CDH18: variants seen among roughly 807,000 people sequenced by gnomAD.
CDH18 encodes cadherin-18.
CDH18 carries 31 observed loss-of-function variants against 67.9 expected under a neutral mutation model. The ratio of observed to expected loss-of-function variants is 0.46; its 90% CI spans 0.34 to 0.62. The LOEUF (loss-of-function observed/expected upper bound fraction) is 0.62. Ranked by LOEUF, CDH18 falls within the 20% of genes least tolerant of loss-of-function variation. The pLI, the probability that CDH18 is intolerant of heterozygous loss-of-function variation, is 0.01. For missense variants in CDH18, 890 were observed against 975.5 expected, an observed-to-expected ratio of 0.91 and a Z score of 1.17; for synonymous variants, 362 against 347.2, an observed-to-expected ratio of 1.04 and a Z score of -0.48.
At chr5:20,468,408 A>G (rs1178034212) in intron 1 of CDH18, among the ~76,000 whole-genome samples, 1 of 152,170 alleles carries the variant, frequency 6.6e-6, no homozygotes, top group African/African-American at 2.4e-5. Context: ...TCTCTGCCTC[A>G]TCTTTTATCT....
In CDH18 at chr5:20,136,358, C is replaced by T. The variant is rs539719684; in HGVS notation, c.-518+119086G>A. 2.6e-5 allele frequency among the ~76,000 whole-genome samples: 4 copies of T among 151,978 alleles called. No homozygotes were observed. In the East Asian group the frequency reaches 7.8e-4, roughly 29 times the overall value. The stretch of plus-strand genomic sequence containing the variant: ...TTACCATTATGTAATGGCCTTGTCT[C>T]TTTTGATCTTTGTTGGTTTAAAGTC... On this transcript the variant is annotated intron_variant, in intron 2 of 14. Coordinates refer to the CDH18 transcript ENST00000507958.
At chr5:19,893,417 A>G in intron 2 of CDH18, among the ~76,000 whole-genome samples, 1 of 152,298 alleles carries the variant, frequency 6.6e-6, no homozygotes, top group East Asian at 1.9e-4. Flanking sequence ...TTATTTCTAG[A>G]CACAAGGAAT....
At chr5:20,527,619 G>T (rs1049422496) in intron 1 of CDH18, among the ~76,000 whole-genome samples, 3 of 152,030 alleles carry the variant, frequency 2.0e-5, no homozygotes, top group African/African-American at 4.8e-5. Flanking sequence ...CATTCTTAAA[G>T]AAAAGAATTT....
At chr5:20,476,686 A>G (rs762274592) in intron 1 of CDH18, among the ~76,000 whole-genome samples, 1 of 152,196 alleles carries the variant, frequency 6.6e-6, no homozygotes, top group Non-Finnish European at 1.5e-5. Flanking sequence ...ATGCATTAAA[A>G]TAATAATGTA....
intron 9 of CDH18, among the ~76,000 whole-genome samples, chr5:19,527,941 A>G (rs1747999140): frequency 6.6e-6 from 1 of 151,940 alleles, no homozygotes; most frequent in Admixed American, 6.5e-5. Context: ...AAGCTTTAAA[A>G]TTAAAGCTGT....
chr5:19,832,103 G>A lies in CDH18; in HGVS notation c.228+6656C>T, dbSNP rs78286190. On this transcript the variant is annotated intron_variant, in intron 3 of 12. Transcript: ENST00000382275. ...GAACATTAGACAGGGGACTACAAGC[G>A]GGGGTGAAGTAGAAAGGGGAGGAAG... is the stretch of plus-strand genomic sequence containing the variant. Among the ~76,000 whole-genome samples, 967 of 152,058 alleles carry A rather than the reference G, an allele frequency of 6.4e-3. 11 individuals carry two copies. The highest frequency in any genetic ancestry group is 0.02 in the African/African-American group (821 of 41,486).
At chr5:19,963,409 T>C (rs1170584986) in intron 2 of CDH18, among the ~76,000 whole-genome samples, 3 of 152,168 alleles carry the variant, frequency 2.0e-5, no homozygotes, top group South Asian at 2.1e-4. Context: ...TCATCTTGAA[T>C]TGCAGTAATC....
intron 2 of CDH18, among the ~76,000 whole-genome samples, chr5:19,999,844 C>T (rs1736303694): frequency 6.6e-6 from 1 of 152,170 alleles, no homozygotes; most frequent in African/African-American, 2.4e-5. Context: ...GTCACAGGCT[C>T]ATGAAGCAGC....
intron 2 of CDH18, among the ~76,000 whole-genome samples, chr5:19,894,250 T>C (rs540735483): frequency 1.7e-4 from 26 of 152,112 alleles, no homozygotes; most frequent in African/African-American, 6.0e-4. Context: ...TGTAAACATA[T>C]CAAAAATTTA....
At chr5:20,455,192 C>T (rs1750755566) in intron 1 of CDH18, among the ~76,000 whole-genome samples, 1 of 152,016 alleles carries the variant, frequency 6.6e-6, no homozygotes, top group Non-Finnish European at 1.5e-5. Context: ...AGCTGATGGA[C>T]TTTGCACTTG....
intron 2 of CDH18, among the ~76,000 whole-genome samples, chr5:19,869,081 T>G (rs946206501): frequency 6.6e-6 from 1 of 152,076 alleles, no homozygotes; most frequent in Admixed American, 6.6e-5. Context: ...TAAAACAAAA[T>G]AAAATAATTT....
chr5:19,482,217 G>A (rs900973391), intron 12 of CDH18, among the ~76,000 whole-genome samples: 24 of 151,978 alleles, frequency 1.6e-4, no homozygotes, highest in Non-Finnish European at 3.2e-4. Flanking sequence ...CCAGGTTCAT[G>A]CCATTCTCCT....
intron 1 of CDH18, among the ~76,000 whole-genome samples, chr5:20,418,162 G>C (rs564214678): frequency 1.3e-5 from 2 of 150,414 alleles, no homozygotes; most frequent in African/African-American, 2.4e-5. Flanking sequence ...CGCAACCTCC[G>C]CCGCTGGGGT....
intron 8 of CDH18, 108 bp from the exon 9 acceptor site, chr5:19,544,113 A>T (rs1735901932): frequency 2.3e-6 from 1 of 444,044 alleles, no homozygotes; most frequent in South Asian, 8.4e-5. Flanking sequence ...ATATACTTTT[A>T]AATTCTATAT....
At chr5:20,378,165 T>C (rs1323723350) in intron 1 of CDH18, among the ~76,000 whole-genome samples, 1 of 152,112 alleles carries the variant, frequency 6.6e-6, no homozygotes, top group East Asian at 1.9e-4. Context: ...CAGATGACCC[T>C]CGTTTCTTTC....
chr5:20,373,183 G>A (rs1743146193), intron 1 of CDH18, among the ~76,000 whole-genome samples: 1 of 152,114 alleles, frequency 6.6e-6, no homozygotes, highest in Non-Finnish European at 1.5e-5. Context: ...AAACAATTTA[G>A]TAGCTTCCCA....
intron 2 of CDH18, among the ~76,000 whole-genome samples, chr5:20,105,893 C>T (rs575188128): frequency 1.3e-5 from 2 of 152,204 alleles, no homozygotes; most frequent in South Asian, 4.1e-4. Flanking sequence ...GAAAGTATCT[C>T]TTTGAGTCTG....
chr5:19,579,147 C>T (rs1041930858), intron 7 of CDH18, among the ~76,000 whole-genome samples: 2 of 151,966 alleles, frequency 1.3e-5, no homozygotes, highest in Non-Finnish European at 2.9e-5. Flanking sequence ...CTATCACAGA[C>T]TGAAATTTGT....
At position 19,745,903 on chromosome 5, in the gene CDH18, T is replaced by A. The variant is rs1007570408; in HGVS notation, c.523+1039A>T. On this transcript the variant is annotated intron_variant, in intron 4 of 12. Transcript: ENST00000382275. ...AAAAGATGCTACCATCTTCCATTTT[T>A]AAAAAATATATATACATATATATAC... Among the ~76,000 whole-genome samples the A allele has an allele frequency of 2.6e-5, 4 of 151,846 alleles. 1 individual carries two copies. The highest frequency in any genetic ancestry group is 5.9e-5 in the Non-Finnish European group (4 of 67,982).
Sources: gnomAD v4.1 joint callset for allele counts (sites outside exome capture counted in the v4.1 genomes callset) on GRCh38, gnomAD v4.1.1 for gene constraint, MANE v1.5 for transcripts, NCBI Gene and HGNC (gene_info 2026-07-23, HGNC 2026-07-21) for gene names.